Variants in PLCG2 observed in about 807,000 individuals in gnomAD.
PLCG2 encodes the protein phospholipase C gamma 2.
A neutral mutation model predicts 175.6 loss-of-function variants in PLCG2; 69 were observed. That is an observed-to-expected ratio of 0.39 (90% CI 0.32 to 0.48). The LOEUF is 0.48. PLCG2 is among the 20% of genes least tolerant of loss of function. The pLI is 0.91. For missense variants in PLCG2, 1,798 were observed against 1,650.9 expected (o/e 1.09, Z -1.54); for synonymous variants, 827 against 624.0 (o/e 1.33, Z -4.85).
intron 3 of PLCG2, among the ~76,000 whole-genome samples, chr16:81,855,711 A>T (rs1906649838): frequency 6.6e-6 from 1 of 152,214 alleles, no homozygotes; most frequent in South Asian, 2.1e-4. Context: ...ATTCCAGGGA[A>T]GCTTGGCAGA....
intron 2 of PLCG2, among the ~76,000 whole-genome samples, chr16:81,853,265 A>G (rs139751775): frequency 0.036 from 5,428 of 151,800 alleles, 137 homozygotes; most frequent in African/African-American, 0.061. Context: ...TGGGAGGCAG[A>G]CGTTGCAGTG....
chr16:81,877,496 T>C (rs1222605727), intron 7 of PLCG2, among the ~76,000 whole-genome samples: 1 of 152,162 alleles, frequency 6.6e-6, no homozygotes, highest in Non-Finnish European at 1.5e-5. Context: ...ATTCCCTCAC[T>C]GTACTGGAGG....
intron 4 of PLCG2, among the ~76,000 whole-genome samples, chr16:81,858,793 G>T (rs1002064358): frequency 6.6e-6 from 1 of 152,180 alleles, no homozygotes; most frequent in Non-Finnish European, 1.5e-5. Context: ...GGGCATTGGG[G>T]TGTGAGTTAT....
At chr16:81,871,427 C>G (rs1447164972) in intron 7 of PLCG2, among the ~76,000 whole-genome samples, 1 of 152,146 alleles carries the variant, frequency 6.6e-6, no homozygotes. Flanking sequence ...CAACCTTTGC[C>G]TCCCGGGTTC....
At chr16:81,792,916 T>G (rs1013452442) in intron 2 of PLCG2, among the ~76,000 whole-genome samples, 4 of 152,362 alleles carry the variant, frequency 2.6e-5, no homozygotes, top group South Asian at 2.1e-4. Flanking sequence ...TTTTGTTATA[T>G]TTCTGTGCCT....
chr16:81,833,337 C>A (rs1271656047), intron 2 of PLCG2, among the ~76,000 whole-genome samples: 1 of 152,104 alleles, frequency 6.6e-6, no homozygotes, highest in Non-Finnish European at 1.5e-5. Context: ...TCTGTCCACA[C>A]CCCCAGGGTC....
chr16:81,742,541 G>A (rs1909618430), intron 1 of PLCG2, among the ~76,000 whole-genome samples: 1 of 152,186 alleles, frequency 6.6e-6, no homozygotes, highest in Non-Finnish European at 1.5e-5. Context: ...GGAAAGGAAC[G>A]TCCCATGCAC....
chr16:81,938,890 C>T lies in PLCG2; in HGVS notation c.3288C>T (p.Asn1096=). Residue 1096 remains asparagine (N), a synonymous_variant, in exon 29 of 33, where the codon AAC becomes AAT. Coordinates refer to ENST00000564138, the MANE Select transcript of PLCG2 (RefSeq NM_002661.5). ...AGATCTGTGGAGCCGAGTATGACAA[C>T]AACAAGTTCAAGACGACGGTTGTGA... The part of the protein sequence containing the change: ...EVEICGAEYD[N]NKFKTTVVND... 1.2e-6 allele frequency: 2 copies of T among 1,610,134 alleles called. No homozygotes were observed. Among genetic ancestry groups the T allele is most frequent in the East Asian group, 2.2e-5 (1 of 44,806 alleles).
Position 81,957,006 on chromosome 16 carries a change from GGTGGCTCACAGGCCA to G in PLCG2, c.3755+129_3755+143del, listed in dbSNP as rs1911600701. On this transcript the variant is annotated intron_variant, in intron 32 of 32. Coordinates refer to ENST00000564138, the MANE Select transcript of PLCG2 (RefSeq NM_002661.5). Reference sequence around the variant, plus strand: ...TCTTCAGAAATCCTTGGCCGGGCATGGTGGCTCACAGGCCAGGCATGGTGGCTCATGCCTGTAATC... The same window carrying G: ...TCTTCAGAAATCCTTGGCCGGGCATGGGCATGGTGGCTCATGCCTGTAATC... 1.2e-5 allele frequency: 7 copies of G among 599,102 alleles called. No individual in the cohort carries two copies. The African/African-American group carries it at 1.8e-4, about 15-fold the overall frequency. The allele number at this position is 599,102 out of a possible 1,614,324, so 37.1% of individuals were successfully genotyped here.
At chr16:81,912,841 A>G in intron 19 of PLCG2, 125 bp downstream of exon 19, 1 of 1,198,636 alleles carries the variant, frequency 8.3e-7, no homozygotes, top group Non-Finnish European at 1.1e-6. Context: ...CATCAGCGAC[A>G]ACAACAACCA....
chr16:81,943,110 C>G (rs886539295), intron 30 of PLCG2, among the ~76,000 whole-genome samples: 3 of 152,054 alleles, frequency 2.0e-5, no homozygotes, highest in Non-Finnish European at 4.4e-5. Flanking sequence ...TAGGGGCTAC[C>G]TGATAGCCTC....
chr16:81,962,596 T>G lies in PLCG2; in HGVS notation c.*4598T>G, dbSNP rs1198590571. 9.0e-6 allele frequency: 2 copies of G among 222,788 alleles called. No individual in the cohort carries two copies. Among genetic ancestry groups the G allele is most frequent in the Non-Finnish European group, 1.8e-5 (2 of 111,636 alleles). The allele number at this position is 222,788 out of a possible 1,614,324, so 13.8% of individuals were successfully genotyped here. The stretch of plus-strand genomic sequence containing the variant: ...TGCTTTGTGTACATAGAGAATTAAG[T>G]GAATGAGTCACACAGATGTTGGCTG... On this transcript the variant is annotated 3_prime_UTR_variant, in exon 33 of 33. Coordinates refer to ENST00000564138, the MANE Select transcript of PLCG2 (RefSeq NM_002661.5).
At chr16:81,758,312 T>A (rs1000790274) in intron 2 of PLCG2, among the ~76,000 whole-genome samples, 1 of 152,220 alleles carries the variant, frequency 6.6e-6, no homozygotes, top group Admixed American at 6.5e-5. Flanking sequence ...TTTATTCATT[T>A]TGTAGCGTGG....
At chr16:81,941,877 G>A (rs1188243289) in intron 30 of PLCG2, among the ~76,000 whole-genome samples, 2 of 151,980 alleles carry the variant, frequency 1.3e-5, no homozygotes, top group Non-Finnish European at 2.9e-5. Flanking sequence ...TGCCATGTTG[G>A]TCTGAAAAAA....
rs193217393 is a variant in PLCG2 at position 81,900,874 on chromosome 16, T to C, written c.1362+94T>C. 2.7e-4 allele frequency: 308 copies of C among 1,158,400 alleles called. No homozygotes were observed. The African/African-American group carries it at 4.2e-3, about 16-fold the overall frequency. 71.8% of individuals were successfully genotyped at this position (1,158,400 alleles called of 1,614,324 possible). The stretch of plus-strand genomic sequence containing the variant: ...CCGTTCACCAAGTTCTATGTCCTAC[T>C]GGGCCTGCTCCAGGTCCCACTGCAC... On this transcript the variant is annotated intron_variant, in intron 14 of 32. Coordinates refer to ENST00000564138, the MANE Select transcript of PLCG2 (RefSeq NM_002661.5).
intron 2 of PLCG2, among the ~76,000 whole-genome samples, chr16:81,787,931 C>A (rs1004930654): frequency 6.6e-6 from 1 of 152,160 alleles, no homozygotes; most frequent in Non-Finnish European, 1.5e-5. Context: ...AATCACGATA[C>A]GTTGTATGGG....
intron 2 of PLCG2, among the ~76,000 whole-genome samples, chr16:81,765,317 C>T (rs1432422449): frequency 6.6e-6 from 1 of 152,222 alleles, no homozygotes; most frequent in Non-Finnish European, 1.5e-5. Flanking sequence ...GGACAATCTC[C>T]CGCAGAGCCT....
At chr16:81,881,065 G>C in intron 8 of PLCG2, 112 bp downstream of exon 8, 1 of 1,096,510 alleles carries the variant, frequency 9.1e-7, no homozygotes, top group Non-Finnish European at 1.4e-6. Context: ...ACCTCCAAAG[G>C]GGCAGGGGGC....
intron 9 of PLCG2, among the ~76,000 whole-genome samples, chr16:81,887,963 G>T (rs1362849886): frequency 6.6e-6 from 1 of 152,184 alleles, no homozygotes; most frequent in African/African-American, 2.4e-5. Context: ...TGTTTCAGCA[G>T]CCCTGTTTGC....
Sources: gnomAD v4.1 joint callset for allele counts (sites outside exome capture counted in the v4.1 genomes callset) on GRCh38, gnomAD v4.1.1 for gene constraint, MANE v1.5 for transcripts, NCBI Gene and HGNC (gene_info 2026-07-23, HGNC 2026-07-21) for gene names.